Variants in COL4A2 observed in about 807,000 individuals in gnomAD.
COL4A2 encodes collagen alpha-2(IV) chain.
A neutral mutation model predicts 200.2 loss-of-function variants in COL4A2; 99 were observed. The ratio of observed to expected loss-of-function variants is 0.49; its 90% CI spans 0.42 to 0.58. The LOEUF (loss-of-function observed/expected upper bound fraction) is 0.58, where lower values mean the gene tolerates loss of function less well. COL4A2 is among the 20% of genes least tolerant of loss of function. COL4A2 has a pLI of 0.00. For synonymous variants in COL4A2, 897 were observed against 900.6 expected (o/e 1.00, Z 0.07); for missense variants, 1,950 against 2,314.1 (o/e 0.84, Z 3.23).
At chr13:110,399,996 C>T (rs1455460817) in intron 4 of COL4A2, among the ~76,000 whole-genome samples, 2 of 152,152 alleles carry the variant, frequency 1.3e-5, no homozygotes, top group East Asian at 3.8e-4. Flanking sequence ...TCCATATTCA[C>T]GATAGATCTA....
chr13:110,503,223 G>T lies in COL4A2; in HGVS notation c.3980G>T (p.Trp1327Leu). Reference protein sequence around the residue: ...GAPGTPGTKGWAGDSGPQGRP... With the variant: ...GAPGTPGTKGLAGDSGPQGRP... ...CCAGGAACCCCAGGGACCAAAGGAT[G>T]GGCCGGGGACTCCGGGCCCCAGGGC... Residue 1327 changes from tryptophan (W) to leucine (L), a missense_variant, in exon 42 of 48, where the codon TGG becomes TTG. Trp to Leu is a moderately conservative substitution (Grantham distance 61). This residue lies in a region of COL4A2 where 1,385 missense variants were observed against 1,720.5 expected (regional missense o/e 0.80). Transcript: ENST00000360467. 6.2e-7 allele frequency: 1 copy of T among 1,613,934 alleles called. No individual in the cohort carries two copies. Among genetic ancestry groups the T allele is most frequent in the Non-Finnish European group, 8.5e-7 (1 of 1,179,968 alleles).
At chr13:110,317,606 A>G (rs1318420760) in intron 3 of COL4A2, among the ~76,000 whole-genome samples, 1 of 152,158 alleles carries the variant, frequency 6.6e-6, no homozygotes, top group Non-Finnish European at 1.5e-5. Context: ...CACTCAGGAG[A>G]GGCCCTTAAA....
intron 21 of COL4A2, chr13:110,457,652 C>G (rs1202467714): frequency 1.5e-6 from 1 of 674,546 alleles, no homozygotes; most frequent in Non-Finnish European, 2.8e-6. Flanking sequence ...CTCACCGTCC[C>G]TGCTCTCCAT....
In COL4A2 at chr13:110,508,376, GC is replaced by G; in HGVS notation, c.4881+156del. The stretch of plus-strand genomic sequence containing the variant: ...GGAAGCGAGCGAGAGCTGGAACACA[GC>G]TTACACTTGGCTAACTGAGCCACAT... On this transcript the variant is annotated intron_variant, in intron 47 of 47. Transcript: ENST00000360467. This position sits in a 1 kb window ranked among gnomAD's most constrained non-coding sequence, Gnocchi z 6.1. The G allele has an allele frequency of 8.2e-7, 1 of 1,225,528 alleles. No homozygotes were observed. Among genetic ancestry groups the G allele is most frequent in the Non-Finnish European group, 1.1e-6 (1 of 889,730 alleles). 75.9% of individuals were successfully genotyped at this position (1,225,528 alleles called of 1,614,324 possible).
At chr13:110,407,200 G>A (rs529698412) in intron 4 of COL4A2, among the ~76,000 whole-genome samples, 18 of 152,328 alleles carry the variant, frequency 1.2e-4, no homozygotes, top group Admixed American at 2.6e-4. Context: ...GCAGCACTGC[G>A]CCCCTCGGGT....
chr13:110,481,909 TCTGTCCCTCCGTGCTGGAGACACACTGC>T, intron 31 of COL4A2, among the ~76,000 whole-genome samples: 3 of 102,006 alleles, frequency 2.9e-5, no homozygotes, highest in Non-Finnish European at 6.2e-5. Flanking sequence ...GACACACTGC[TCTGTCCCTCCGTGCTGGAGACACACTGC>T]TCTGTCCCTC....
intron 4 of COL4A2, among the ~76,000 whole-genome samples, chr13:110,384,494 G>A (rs1182632212): frequency 2.0e-5 from 3 of 152,216 alleles, no homozygotes; most frequent in Non-Finnish European, 2.9e-5. Context: ...CATGCTCTCA[G>A]GTAGTGGCTT....
In COL4A2 at chr13:110,503,375, T is replaced by C; in HGVS notation, c.4040-8T>C. On this transcript the variant is annotated splice_polypyrimidine_tract_variant and splice_region_variant and intron_variant, in intron 42 of 47. Coordinates refer to ENST00000360467, the MANE Select transcript of COL4A2 (RefSeq NM_001846.4). ...TTTCGTGTCCCTAACGTCTTGTTTG[T>C]GTTGCAGGGCCCAGGGGTGAACAAG... 1.3e-6 allele frequency: 2 copies of C among 1,593,808 alleles called. No individual in the cohort carries two copies. Among genetic ancestry groups the C allele is most frequent in the South Asian group, 2.3e-5 (2 of 88,380 alleles).
At position 110,385,489 on chromosome 13, in the gene COL4A2, A is replaced by G. The variant is rs61963175; in HGVS notation, c.180+27937A>G. 5.0e-3 allele frequency among the ~76,000 whole-genome samples: 489 copies of G among 96,908 alleles called. 11 individuals are homozygous for G. Among genetic ancestry groups the G allele is most frequent in the Middle Eastern group, 0.021 (4 of 192 alleles). 63.6% of individuals were successfully genotyped at this position (96,908 alleles called of 152,430 possible). A position where few individuals can be genotyped will look rare whatever the true frequency, so the allele number is the denominator to read the frequency against. On this transcript the variant is annotated intron_variant, in intron 4 of 47. Transcript: ENST00000360467. ...TAGGCCGTGGTTACAGTGTGTGGAT[A>G]GGCCGTGGTTACAGTGTGTGGATAG...
intron 47 of COL4A2, among the ~76,000 whole-genome samples, chr13:110,509,067 A>G (rs1272052798): frequency 6.6e-6 from 1 of 151,646 alleles, no homozygotes; most frequent in Admixed American, 6.6e-5. Flanking sequence ...ACCATCGAAA[A>G]CTCAAAAATC....
intron 4 of COL4A2, among the ~76,000 whole-genome samples, chr13:110,423,222 G>C (rs1406249743): frequency 1.3e-5 from 2 of 151,662 alleles, no homozygotes; most frequent in African/African-American, 4.8e-5. Flanking sequence ...TAATACAATA[G>C]TTAGTTCCAG....
chr13:110,488,939 G>C (rs1208945068), intron 34 of COL4A2, among the ~76,000 whole-genome samples: 1 of 152,134 alleles, frequency 6.6e-6, no homozygotes, highest in Non-Finnish European at 1.5e-5. Context: ...AGTTCCATAA[G>C]AACAGCAAGG....
At chr13:110,381,685 G>A (rs1878498853) in intron 4 of COL4A2, among the ~76,000 whole-genome samples, 1 of 152,202 alleles carries the variant, frequency 6.6e-6, no homozygotes, top group Non-Finnish European at 1.5e-5. Context: ...CCTCCTGTTA[G>A]TAGAAAGGTT....
At chr13:110,363,586 T>A (rs916364403) in intron 4 of COL4A2, among the ~76,000 whole-genome samples, 2 of 151,966 alleles carry the variant, frequency 1.3e-5, no homozygotes, top group African/African-American at 2.4e-5. Flanking sequence ...AGAGGGGTCA[T>A]CTTGAGATGA....
chr13:110,420,733 ACCTGGTCCTCC>A (rs1230244962), intron 4 of COL4A2, among the ~76,000 whole-genome samples: 1 of 152,158 alleles, frequency 6.6e-6, no homozygotes, highest in African/African-American at 2.4e-5. Context: ...CTTGGCATGT[ACCTGGTCCTCC>A]CAGCTGCTCT....
At chr13:110,430,126 T>A (rs1880621263) in intron 8 of COL4A2, 170 bp downstream of exon 8, 2 of 761,370 alleles carry the variant, frequency 2.6e-6, no homozygotes, top group Non-Finnish European at 3.9e-6. Flanking sequence ...ATGTTTTCAA[T>A]CTTATTTTTA....
intron 4 of COL4A2, among the ~76,000 whole-genome samples, chr13:110,373,227 C>T (rs1878093927): frequency 6.6e-6 from 1 of 152,208 alleles, no homozygotes; most frequent in Admixed American, 6.5e-5. Context: ...TTCCATTCTA[C>T]CTGCCACCCA....
rs557072478 is a variant in COL4A2 at position 110,311,097 on chromosome 13, G to A, written c.99+2974G>A. ...GTCTTGACCGTGGACTAACAGTGGA[G>A]CGGGCACTGATTCCTAGGAAGGAGG... On this transcript the variant is annotated intron_variant, in intron 3 of 47. Coordinates refer to ENST00000360467, the MANE Select transcript of COL4A2 (RefSeq NM_001846.4). Among the ~76,000 whole-genome samples, 42 of 152,270 alleles carry A rather than the reference G, an allele frequency of 2.8e-4. 1 individual carries two copies. In the Middle Eastern group the frequency reaches 0.01, roughly 37 times the overall value.
At chr13:110,395,922 G>A (rs760622785) in intron 4 of COL4A2, among the ~76,000 whole-genome samples, 1 of 152,192 alleles carries the variant, frequency 6.6e-6, no homozygotes, top group Non-Finnish European at 1.5e-5. Context: ...TTTAGTCTGG[G>A]CAACGGAGCA....
Sources: allele counts gnomAD v4.1 joint callset (sites outside exome capture counted in the v4.1 genomes callset), GRCh38; gene constraint gnomAD v4.1.1; regional missense constraint gnomAD v4.1.1; non-coding constraint Gnocchi (gnomAD v3.1); transcripts MANE v1.5; gene names NCBI Gene and HGNC (gene_info 2026-07-23, HGNC 2026-07-21).